ZP1: variants seen among roughly 807,000 people sequenced by gnomAD.
ZP1 encodes zona pellucida glycoprotein 1, also known as zona pellucida sperm-binding protein 1.
A neutral mutation model predicts 67.4 loss-of-function variants in ZP1; 58 were observed. The ratio of observed to expected loss-of-function variants is 0.86; its 90% confidence interval spans 0.70 to 1.07. ZP1 has a LOEUF of 1.07. Ranked by LOEUF, ZP1 falls within the 50% of genes least tolerant of loss-of-function variation. The pLI is 0.00. For missense variants in ZP1, 759 were observed against 807.3 expected (o/e 0.94, Z 0.72); for synonymous variants, 333 against 332.7 (o/e 1.00, Z -0.01).
chr11:60,873,378 AGACCTTCAGCTCGTACTATG>A lies in ZP1; in HGVS notation c.1246_1265del (p.Thr416GlyfsTer3), dbSNP rs775287302. 1 of 1,602,604 alleles carries A rather than the reference AGACCTTCAGCTCGTACTATG, an allele frequency of 6.2e-7. No individual in the cohort carries two copies. Among genetic ancestry groups the A allele is most frequent in the Non-Finnish European group, 8.5e-7 (1 of 1,170,478 alleles). ...TCATGAGTCACTCTCCCTGCAGACG[AGACCTTCAGCTCGTACTATG>A]GGGAGGATGACTATCCCATCGTGAG... On this transcript the variant is annotated frameshift_variant, in exon 8 of 12. Coordinates refer to ENST00000278853, the MANE Select transcript of ZP1 (RefSeq NM_207341.4). LOFTEE classifies it high-confidence loss of function.
At chr11:60,870,774 T>G (rs1855551517) in intron 4 of ZP1, 183 bp from the exon 5 acceptor site, 1 of 755,882 alleles carries the variant, frequency 1.3e-6, no homozygotes, top group Non-Finnish European at 2.2e-6. Flanking sequence ...GTAGTTCAAC[T>G]CATTTGTCAC....
Position 60,867,655 on chromosome 11 carries a change from C to T in ZP1, c.94C>T (p.Pro32Ser). The T allele has an allele frequency of 6.2e-7, 1 of 1,613,988 alleles. No individual in the cohort carries two copies. The highest frequency in any genetic ancestry group is 8.5e-7 in the Non-Finnish European group (1 of 1,179,902). ...LGLGRWLQPD[P>S]GLPGLRHSYD... ...GCTGGGTAGGTGGCTCCAGCCCGACCCTGGCCTCCCAGGCCTCCGGCACAG... is the reference window on the plus strand; with the variant it reads ...GCTGGGTAGGTGGCTCCAGCCCGACTCTGGCCTCCCAGGCCTCCGGCACAG... Residue 32 changes from proline to serine, a missense_variant, in exon 1 of 12, where the codon CCT becomes TCT. Transcript: ENST00000278853.
At chr11:60,875,295 C>A in intron 11 of ZP1, 47 bp downstream of exon 11, 1 of 1,575,800 alleles carries the variant, frequency 6.3e-7, no homozygotes, top group Non-Finnish European at 8.6e-7. Flanking sequence ...CCACTCTCAG[C>A]CCCCAAGATT....
intron 1 of ZP1, among the ~76,000 whole-genome samples, chr11:60,868,255 C>T (rs757097540): frequency 6.6e-6 from 1 of 152,176 alleles, no homozygotes; most frequent in African/African-American, 2.4e-5. Context: ...CGATATTGGT[C>T]AGGCTGGTCT....
chr11:60,869,990 AT>A, intron 3 of ZP1, 90 bp downstream of exon 3: 1 of 1,415,612 alleles, frequency 7.1e-7, no homozygotes, highest in South Asian at 1.7e-5. Flanking sequence ...GCTCTAAGCC[AT>A]TTCTTTTTTT....
chr11:60,867,854 C>T, intron 1 of ZP1, 97 bp downstream of exon 1: 1 of 1,393,000 alleles, frequency 7.2e-7, no homozygotes, highest in Non-Finnish European at 9.7e-7. Flanking sequence ...AGAACAGAGG[C>T]CTCCCTCCAG....
At chr11:60,868,008 T>G (rs1028382962) in intron 1 of ZP1, among the ~76,000 whole-genome samples, 3 of 150,942 alleles carry the variant, frequency 2.0e-5, no homozygotes, top group African/African-American at 7.3e-5. Flanking sequence ...TCAGTGGACC[T>G]GGGGCAGGGC....
At chr11:60,870,587 A>T in intron 4 of ZP1, 112 bp downstream of exon 4, 1 of 1,420,506 alleles carries the variant, frequency 7.0e-7, no homozygotes, top group Non-Finnish European at 9.4e-7. Context: ...GGAGAGCCCA[A>T]CTCCCAGAGC....
At chr11:60,870,901 C>T (rs1258692135) in intron 4 of ZP1, 56 bp from the exon 5 acceptor site, 29 of 1,538,992 alleles carry the variant, frequency 1.9e-5, no homozygotes, top group African/African-American at 2.7e-5. Flanking sequence ...CCAGCCATCC[C>T]GTCTCTGTGC....
intron 2 of ZP1, 80 bp downstream of exon 2, chr11:60,869,346 G>C (rs1182340326): frequency 6.3e-7 from 1 of 1,579,696 alleles, no homozygotes; most frequent in South Asian, 1.2e-5. Flanking sequence ...TCATGAACCA[G>C]AAAGGAGCCA....
At chr11:60,872,728 G>T (rs954466872) in intron 6 of ZP1, among the ~76,000 whole-genome samples, 2 of 152,196 alleles carry the variant, frequency 1.3e-5, no homozygotes, top group African/African-American at 4.8e-5. Context: ...TGGTCCCAAA[G>T]CCTGTAAATG....
At chr11:60,871,512 A>G (rs1165345798) in intron 6 of ZP1, among the ~76,000 whole-genome samples, 198 bp downstream of exon 6, 1 of 152,200 alleles carries the variant, frequency 6.6e-6, no homozygotes, top group Non-Finnish European at 1.5e-5. Context: ...CTCAGGGCAG[A>G]CATGAGTGTT....
chr11:60,873,832 T>C (rs777832999), intron 9 of ZP1, 57 bp downstream of exon 9: 1 of 1,602,700 alleles, frequency 6.2e-7, no homozygotes, highest in Non-Finnish European at 8.5e-7. Flanking sequence ...GAGGAGCTGG[T>C]CGCCAAATCC....
chr11:60,871,214 C>T lies in ZP1; in HGVS notation c.1015-3C>T. The T allele has an allele frequency of 6.2e-7, 1 of 1,614,068 alleles. No individual in the cohort carries two copies. Among genetic ancestry groups the T allele is most frequent in the Non-Finnish European group, 8.5e-7 (1 of 1,180,038 alleles). On this transcript the variant is annotated splice_polypyrimidine_tract_variant and splice_region_variant and intron_variant, in intron 5 of 11. Transcript: ENST00000278853. ...AGCCTCACCCAGCTGTCTCTTCCTA[C>T]AGGTGGCTGGCGACCAGCTCATCTA...
chr11:60,868,039 C>CTTTTT (rs3044654), intron 1 of ZP1, among the ~76,000 whole-genome samples: 1 of 140,656 alleles, frequency 7.1e-6, no homozygotes, highest in Non-Finnish European at 1.5e-5. Context: ...CATTTCTTTT[C>CTTTTT]TTTTTTTTTT....
intron 7 of ZP1, 35 bp downstream of exon 7, chr11:60,873,324 C>T: frequency 1.3e-6 from 2 of 1,586,860 alleles, no homozygotes; most frequent in East Asian, 2.3e-5. Flanking sequence ...TTCTGGCCCC[C>T]ACTTCCCTGA....
chr11:60,869,804 T>C lies in ZP1; in HGVS notation c.586T>C (p.Leu196=). The change falls in exon 3 of 12, where the codon TTA becomes CTA. Residue 196 remains leucine, a synonymous_variant. Coordinates refer to ENST00000278853, the MANE Select transcript of ZP1 (RefSeq NM_207341.4). The part of the protein sequence containing the change: ...GHSSVHPTPA[L]PSPGPGPTLA... ...CAGCTCTGTCCACCCAACCCCTGCTTTACCATCCCCTGGACCTGGACCTAC... is the reference window on the plus strand; with the variant it reads ...CAGCTCTGTCCACCCAACCCCTGCTCTACCATCCCCTGGACCTGGACCTAC... 3 of 1,613,546 alleles carry C rather than the reference T, an allele frequency of 1.9e-6. No individual in the cohort carries two copies. The highest frequency in any genetic ancestry group is 2.5e-6 in the Non-Finnish European group (3 of 1,179,752).
Position 60,867,582 on chromosome 11 carries a change from G to A in ZP1, c.21G>A (p.Thr7=), listed in dbSNP as rs113962645. 1.8e-5 allele frequency: 29 copies of A among 1,611,206 alleles called. 1 individual carries two copies. Among genetic ancestry groups the A allele is most frequent in the African/African-American group, 1.7e-4 (13 of 74,890 alleles). The part of the protein sequence containing the change: MAGGSA[T]TWGYPVALLL... ...GTCTCATGGCAGGAGGCTCAGCCAC[G>A]ACCTGGGGTTACCCTGTGGCCCTGC... Residue 7 remains threonine, a synonymous_variant, in exon 1 of 12, where the codon ACG becomes ACA. Coordinates refer to ENST00000278853, the MANE Select transcript of ZP1 (RefSeq NM_207341.4).
intron 6 of ZP1, among the ~76,000 whole-genome samples, chr11:60,871,541 C>A (rs1173943070): frequency 1.3e-5 from 2 of 152,182 alleles, no homozygotes; most frequent in African/African-American, 4.8e-5. Flanking sequence ...CCCTTCCATG[C>A]CTGGCCTGCA....
Sources: allele counts gnomAD v4.1 joint callset (sites outside exome capture counted in the v4.1 genomes callset), GRCh38; gene constraint gnomAD v4.1.1; transcripts MANE v1.5; gene names NCBI Gene and HGNC (gene_info 2026-07-23, HGNC 2026-07-21).